MUC5B: variants seen among roughly 807,000 people sequenced by gnomAD.
The protein encoded by MUC5B is mucin 5B, oligomeric mucus/gel-forming.
Under a neutral mutation model 376.9 loss-of-function variants are expected in MUC5B, and 116 were observed. The ratio of observed to expected loss-of-function variants is 0.31; its 90% CI spans 0.26 to 0.36. The LOEUF is 0.36. Among genes scored for constraint, MUC5B ranks in the 10% least tolerant of loss-of-function variants. MUC5B has a pLI of 1.00. For synonymous variants in MUC5B, 3,517 were observed against 3,390.9 expected (o/e 1.04, Z -1.29); for missense variants, 7,165 against 7,769.9 (o/e 0.92, Z 2.93).
In MUC5B at chr11:1,249,143, G is replaced by T. The variant is rs767942317; in HGVS notation, c.12263G>T (p.Gly4088Val). The stretch of plus-strand genomic sequence containing the variant: ...CCTTCCCCAGGGACGACCACCCCGG[G>T]CCACACCACGGCCACCTCCAGGACC... ...SPPSPGTTTP[G>V]HTTATSRTTA... The change falls in exon 31 of 49, where the codon GGC becomes GTC. Residue 4088 changes from glycine (G) to valine (V), a missense_variant. Physicochemically the swap from Gly to Val is moderately radical, Grantham distance 109. This residue lies in a region of MUC5B where 85 missense variants were observed against 78.2 expected (regional missense o/e 1.09). Transcript: ENST00000529681. The T allele has an allele frequency of 4.3e-6, 7 of 1,609,690 alleles. No individual in the cohort carries two copies. Among genetic ancestry groups the T allele is most frequent in the Non-Finnish European group, 5.9e-6 (7 of 1,179,158 alleles).
At position 1,251,131 on chromosome 11, in the gene MUC5B, A is replaced by C. The variant is rs1441370490; in HGVS notation, c.14251A>C (p.Thr4751Pro). 1.9e-6 allele frequency: 3 copies of C among 1,611,158 alleles called. No individual in the cohort carries two copies. The highest frequency in any genetic ancestry group is 1.3e-5 in the African/African-American group (1 of 74,756). ...TATKSTATSFTPIPSSTLWTT... is the reference protein window; with the variant it reads ...TATKSTATSFPPIPSSTLWTT... ...CACAAAATCCACAGCTACCAGCTTT[A>C]CACCCATCCCCTCCTCCACCCTGTG... The change falls in exon 31 of 49, where the codon ACA (threonine) becomes CCA (proline). Residue 4751 changes from threonine (T) to proline (P), a missense_variant. Transcript: ENST00000529681.
chr11:1,227,215 G>A, intron 5 of MUC5B, 70 bp downstream of exon 5: 2 of 1,573,098 alleles, frequency 1.3e-6, no homozygotes, highest in Non-Finnish European at 1.7e-6. Context: ...GTCGAGGGAT[G>A]CCTCCCTGGG....
Position 1,248,337 on chromosome 11 carries a change from G to T in MUC5B, c.11457G>T (p.Met3819Ile), listed in dbSNP as rs1043799729. The change falls in exon 31 of 49, where the codon ATG becomes ATT. Residue 3819 changes from methionine (M) to isoleucine (I), a missense_variant. By Grantham distance (10) the Met-to-Ile change is conservative. Transcript: ENST00000529681. ...AGACCACCACACCCACGGCCACCAT[G>T]TCCACAGCCACACCCTCCTCCACTC... ...LSQTTTPTAT[M>I]STATPSSTPE... 17 of 1,608,530 alleles carry T rather than the reference G, an allele frequency of 1.1e-5. No homozygotes were observed. The highest frequency in any genetic ancestry group is 1.4e-5 in the Non-Finnish European group (17 of 1,178,168).
chr11:1,251,057 C>G lies in MUC5B; in HGVS notation c.14177C>G (p.Ser4726Cys), dbSNP rs760293801. Residue 4726 changes from serine to cysteine, a missense_variant, in exon 31 of 49, where the codon TCC (serine) becomes TGC (cysteine). Transcript: ENST00000529681. ...GCCACCAGCTCCAAAGCCACTTCCT[C>G]CTCCAGTCCAAGGACTGCAACCACC... ...PAATSSKATS[S>C]SSPRTATTLP... 8 of 1,611,418 alleles carry G rather than the reference C, an allele frequency of 5.0e-6. No homozygotes were observed. The African/African-American group carries it at 9.4e-5, about 19-fold the overall frequency.
intron 46 of MUC5B, 42 bp downstream of exon 46, chr11:1,260,127 C>T: frequency 6.2e-7 from 1 of 1,604,274 alleles, no homozygotes; most frequent in South Asian, 1.1e-5. Flanking sequence ...AGTCCTTGTC[C>T]ATCAGGGAGG....
Position 1,241,210 on chromosome 11 carries a change from C to T in MUC5B, c.4330C>T (p.Pro1444Ser), listed in dbSNP as rs1357072071. The change falls in exon 31 of 49, where the codon CCC (proline) becomes TCC (serine). Residue 1444 changes from proline (P) to serine (S), a missense_variant. This residue lies in a region of MUC5B where 517 missense variants were observed against 545.3 expected (regional missense o/e 0.95). Transcript: ENST00000529681. ...PSPAPGTSPQPSLSASTEPAV... is the reference protein window; with the variant it reads ...PSPAPGTSPQSSLSASTEPAV... ...CCCGGCCCCAGGCACCAGCCCTCAG[C>T]CCTCCCTCAGTGCCAGCACGGAGCC... is the stretch of plus-strand genomic sequence containing the variant. 1.3e-6 allele frequency: 2 copies of T among 1,593,486 alleles called. No individual in the cohort carries two copies. Among genetic ancestry groups the T allele is most frequent in the Non-Finnish European group, 1.7e-6 (2 of 1,170,352 alleles).
intron 1 of MUC5B, 87 bp downstream of exon 1, chr11:1,223,280 G>A: frequency 1.4e-6 from 1 of 700,968 alleles, no homozygotes; most frequent in East Asian, 2.7e-5. Flanking sequence ...TTCTCCTGCA[G>A]AGTGCACGGG....
At position 1,246,262 on chromosome 11, in the gene MUC5B, A is replaced by G. The variant is rs762376242; in HGVS notation, c.9382A>G (p.Thr3128Ala). 2 of 1,609,964 alleles carry G rather than the reference A, an allele frequency of 1.2e-6. No homozygotes were observed. Among genetic ancestry groups the G allele is most frequent in the Admixed American group, 3.4e-5 (2 of 59,696 alleles). The change falls in exon 31 of 49, where the codon ACT becomes GCT. Residue 3128 changes from threonine to alanine, a missense_variant. By Grantham distance (58) the Thr-to-Ala change is moderately conservative (BLOSUM62 0). This residue lies in a region of MUC5B where 939 missense variants were observed against 770.6 expected (regional missense o/e 1.22). Coordinates refer to ENST00000529681, the MANE Select transcript of MUC5B (RefSeq NM_002458.3). ...ATSSMSTPSSTPGTTWILTEL... is the reference protein window; with the variant it reads ...ATSSMSTPSSAPGTTWILTEL... ...CAGTTCCATGTCCACCCCCTCCTCCACTCCGGGGACGACCTGGATCCTCAC... is the reference window on the plus strand; with the variant it reads ...CAGTTCCATGTCCACCCCCTCCTCCGCTCCGGGGACGACCTGGATCCTCAC...
At chr11:1,224,044 C>G (rs1749491110) in intron 1 of MUC5B, among the ~76,000 whole-genome samples, 1 of 152,230 alleles carries the variant, frequency 6.6e-6, no homozygotes, top group African/African-American at 2.4e-5. Flanking sequence ...CCAGTGGCTC[C>G]CAGCCTGGGC....
rs542627781 is a variant in MUC5B at position 1,247,941 on chromosome 11, G to A, written c.11061G>A (p.Pro3687=). 318 of 1,607,228 alleles carry A rather than the reference G, an allele frequency of 2.0e-4. 12 individuals are homozygous for A. Among genetic ancestry groups the A allele is most frequent in the South Asian group, 1.8e-4 (16 of 90,858 alleles). The change falls in exon 31 of 49, where the codon CCG becomes CCA. Residue 3687 remains proline, a synonymous_variant. Coordinates refer to ENST00000529681, the MANE Select transcript of MUC5B (RefSeq NM_002458.3). The stretch of plus-strand genomic sequence containing the variant: ...CTACGGCCACGCCCTCCTCAACTCC[G>A]GGGACGACCTGGATCCTCACAAAGC... ...TSSTATPSST[P]GTTWILTKLT...
In MUC5B at chr11:1,253,802, CCCACCCAGCTAGT is replaced by C. The variant is rs1370181057; in HGVS notation, c.15218-285_15218-273del. On this transcript the variant is annotated intron_variant, in intron 33 of 48. Coordinates refer to ENST00000529681, the MANE Select transcript of MUC5B (RefSeq NM_002458.3). This position sits in a 1 kb window ranked among gnomAD's most constrained non-coding sequence, Gnocchi z 4.3. ...AGGACACTGGTCATTGGATTGAGGG[CCCACCCAGCTAGT>C]CCACGATGATGTCATTTCAAGATGC... Among the ~76,000 whole-genome samples the C allele has an allele frequency of 6.6e-6, 1 of 152,190 alleles. No homozygotes were observed. The highest frequency in any genetic ancestry group is 2.4e-5 in the African/African-American group (1 of 41,440).
In MUC5B at chr11:1,240,189, A is replaced by G. The variant is rs770923201; in HGVS notation, c.3784A>G (p.Thr1262Ala). Residue 1262 changes from threonine to alanine, a missense_variant, in exon 30 of 49, where the codon ACC (threonine) becomes GCC (alanine). By Grantham distance (58) the Thr-to-Ala change is moderately conservative. This residue lies in a region of MUC5B where 517 missense variants were observed against 545.3 expected (regional missense o/e 0.95). Transcript: ENST00000529681. ...CAHSLEACTCTYEDRTYSYQD... is the reference protein window; with the variant it reads ...CAHSLEACTCAYEDRTYSYQD... ...GGCTCCATCCCCAGCCTGCACCTGC[A>G]CCTATGAGGACAGGACCTACAGCTA... 6.2e-6 allele frequency: 10 copies of G among 1,600,296 alleles called. No individual in the cohort carries two copies. In the East Asian group the frequency reaches 9.0e-5, roughly 14 times the overall value.
chr11:1,224,618 C>T (rs1181793247), intron 1 of MUC5B, among the ~76,000 whole-genome samples: 4 of 150,074 alleles, frequency 2.7e-5, no homozygotes, highest in Admixed American at 6.6e-5. Context: ...CGGCGGGAGC[C>T]GGGGCGTGGG....
intron 31 of MUC5B, 133 bp from the exon 32 acceptor site, chr11:1,252,210 G>A (rs1004227879): frequency 4.6e-6 from 4 of 864,166 alleles, no homozygotes; most frequent in Non-Finnish European, 7.0e-6. Flanking sequence ...GCCACACTCA[G>A]CCTCTGCCCT....
rs370657636 is a variant in MUC5B, at chr11:1,245,459, C to T, written c.8579C>T (p.Ser2860Leu). ...ACCCTGCTGCCCAGCAGCCCCACAT[C>T]GGCCCCAATAACCACGGTGGTGACC... ...TSTLLPSSPTSAPITTVVTMG... is the reference protein window; with the variant it reads ...TSTLLPSSPTLAPITTVVTMG... Residue 2860 changes from serine (S) to leucine (L), a missense_variant, in exon 31 of 49, where the codon TCG becomes TTG. Transcript: ENST00000529681. 1.1e-5 allele frequency: 15 copies of T among 1,366,218 alleles called. 1 individual carries two copies. The highest frequency in any genetic ancestry group is 7.4e-5 in the East Asian group (3 of 40,674). 84.6% of individuals were successfully genotyped at this position (1,366,218 alleles called of 1,614,324 possible).
In MUC5B at chr11:1,247,364, C is replaced by T. The variant is rs71469865; in HGVS notation, c.10484C>T (p.Pro3495Leu). The T allele has an allele frequency of 2.5e-6, 4 of 1,610,966 alleles. No individual in the cohort carries two copies. The highest frequency in any genetic ancestry group is 1.1e-5 in the South Asian group (1 of 90,914). The change falls in exon 31 of 49, where the codon CCA becomes CTA. Residue 3495 changes from proline (P) to leucine (L), a missense_variant. Pro to Leu is a moderately conservative substitution (Grantham distance 98, BLOSUM62 -3). This residue lies in a region of MUC5B where 939 missense variants were observed against 770.6 expected (regional missense o/e 1.22). Coordinates refer to ENST00000529681, the MANE Select transcript of MUC5B (RefSeq NM_002458.3). Reference protein sequence around the residue: ...TEPSTVTSHTPAATTSTTQHS... With the variant: ...TEPSTVTSHTLAATTSTTQHS... The stretch of plus-strand genomic sequence containing the variant: ...CCTTCCACGGTGACTTCCCACACCC[C>T]AGCAGCAACCACCAGTACCACCCAG...
chr11:1,243,143 C>A lies in MUC5B; in HGVS notation c.6263C>A (p.Ser2088Tyr). 1 of 1,609,786 alleles carries A rather than the reference C, an allele frequency of 6.2e-7. No homozygotes were observed. The highest frequency in any genetic ancestry group is 8.5e-7 in the Non-Finnish European group (1 of 1,178,070). Residue 2088 changes from serine (S) to tyrosine (Y), a missense_variant, in exon 31 of 49, where the codon TCC (serine) becomes TAC (tyrosine). Transcript: ENST00000529681. ...STTTTPTTRG[S>Y]TVTPSSIPGT... is the part of the protein sequence containing the mutation. ...ACCACCACACCCACAACCAGAGGCT[C>A]CACGGTGACCCCCTCCTCCATCCCG...
At chr11:1,231,322 G>T in intron 13 of MUC5B, 101 bp from the exon 14 acceptor site, 4 of 1,377,712 alleles carry the variant, frequency 2.9e-6, no homozygotes, top group Non-Finnish European at 3.9e-6. Flanking sequence ...TCACTCCCGG[G>T]TCTCAGTGGG....
Position 1,243,818 on chromosome 11 carries a change from G to T in MUC5B, c.6938G>T (p.Gly2313Val). Residue 2313 changes from glycine to valine, a missense_variant, in exon 31 of 49, where the codon GGC becomes GTC. Coordinates refer to ENST00000529681, the MANE Select transcript of MUC5B (RefSeq NM_002458.3). ...SAPITTVVTM[G>V]CEPQCAWSEW... ...CCCATAACCACGGTGGTGACCATGG[G>T]CTGTGAGCCCCAGTGTGCCTGGTCA... 1 of 1,611,546 alleles carries T rather than the reference G, an allele frequency of 6.2e-7. No homozygotes were observed. The highest frequency in any genetic ancestry group is 8.5e-7 in the Non-Finnish European group (1 of 1,179,596).
Sources: gnomAD v4.1 joint callset for allele counts (sites outside exome capture counted in the v4.1 genomes callset) on GRCh38, gnomAD v4.1.1 for gene constraint, gnomAD v4.1.1 regional missense constraint, Gnocchi (gnomAD v3.1) non-coding constraint, MANE v1.5 for transcripts, NCBI Gene and HGNC (gene_info 2026-07-23, HGNC 2026-07-21) for gene names.